Variants in NCALD observed in about 807,000 individuals in gnomAD.
The protein encoded by NCALD is neurocalcin-delta.
Under a neutral mutation model 18.6 loss-of-function variants are expected in NCALD, and 10 were observed. That is an observed-to-expected ratio of 0.54 (90% confidence interval 0.33 to 0.91). The LOEUF (loss-of-function observed/expected upper bound fraction) is 0.91. NCALD is among the 40% of genes least tolerant of loss of function. NCALD has a pLI of 0.03. For synonymous variants in NCALD, 88 were observed against 87.4 expected (o/e 1.01, Z -0.04); for missense variants, 184 against 247.6 (o/e 0.74, Z 1.72).
intron 4 of NCALD, among the ~76,000 whole-genome samples, chr8:101,867,946 T>C (rs754267499): frequency 8.5e-5 from 13 of 152,236 alleles, no homozygotes; most frequent in Non-Finnish European, 1.6e-4. Context: ...GAGCCATATC[T>C]GGTCCCCGCC....
At chr8:101,879,666 C>T (rs971576917) in intron 4 of NCALD, among the ~76,000 whole-genome samples, 1 of 152,146 alleles carries the variant, frequency 6.6e-6, no homozygotes, top group Non-Finnish European at 1.5e-5. Context: ...TTACAGAGAG[C>T]TGATTGGTCT....
At chr8:101,815,743 T>C (rs955934341) in intron 4 of NCALD, among the ~76,000 whole-genome samples, 2 of 152,128 alleles carry the variant, frequency 1.3e-5, no homozygotes, top group African/African-American at 2.4e-5. Context: ...GACAGTTTCT[T>C]ACAAAACTAA....
chr8:102,036,458 G>A (rs1359402394), intron 1 of NCALD, among the ~76,000 whole-genome samples: 1 of 151,912 alleles, frequency 6.6e-6, no homozygotes, highest in Non-Finnish European at 1.5e-5. Flanking sequence ...CATCTAGTTT[G>A]CAATCAAAGA....
chr8:101,969,459 G>C (rs1487310378), intron 2 of NCALD, among the ~76,000 whole-genome samples: 1 of 152,146 alleles, frequency 6.6e-6, no homozygotes, highest in Admixed American at 6.5e-5. Context: ...GCTTTTCAAA[G>C]CCCTTCAACA....
At chr8:101,752,082 A>G (rs906546982) in intron 1 of NCALD, among the ~76,000 whole-genome samples, 1 of 152,180 alleles carries the variant, frequency 6.6e-6, no homozygotes, top group Non-Finnish European at 1.5e-5. Flanking sequence ...CATTAGAAAC[A>G]GGTTTTCTCT....
At chr8:102,049,308 C>G (rs1471263491) in intron 1 of NCALD, among the ~76,000 whole-genome samples, 2 of 152,220 alleles carry the variant, frequency 1.3e-5, no homozygotes, top group Non-Finnish European at 2.9e-5. Flanking sequence ...ATCCAATCCC[C>G]CATGGATATC....
rs186723037 is a variant in NCALD at position 101,732,970 on chromosome 8, T to C, written c.-19-13322A>G. Among the ~76,000 whole-genome samples the C allele has an allele frequency of 8.5e-5, 13 of 152,268 alleles. No individual in the cohort carries two copies. In the East Asian group the frequency reaches 2.5e-3, roughly 29 times the overall value. ...TAGAATTGATGTGAGATATGCTATATCTTGGTTTTTCTCCAAGGATAAGGG... is the reference window on the plus strand; with the variant it reads ...TAGAATTGATGTGAGATATGCTATACCTTGGTTTTTCTCCAAGGATAAGGG... On this transcript the variant is annotated intron_variant, in intron 1 of 3. Coordinates refer to ENST00000220931, the MANE Select transcript of NCALD (RefSeq NM_032041.3).
At chr8:101,797,767 G>A (rs1812693207) in intron 4 of NCALD, among the ~76,000 whole-genome samples, 1 of 151,332 alleles carries the variant, frequency 6.6e-6, no homozygotes, top group Non-Finnish European at 1.5e-5. Flanking sequence ...AGTGAGCCGA[G>A]ATCATGCCAC....
intron 1 of NCALD, among the ~76,000 whole-genome samples, chr8:102,031,613 A>G (rs1055914512): frequency 2.0e-5 from 3 of 152,198 alleles, no homozygotes; most frequent in Admixed American, 6.6e-5. Context: ...TAAAAAGAGT[A>G]AAGAAAAATA....
At chr8:101,897,893 T>C (rs1239862521) in intron 3 of NCALD, among the ~76,000 whole-genome samples, 1 of 152,214 alleles carries the variant, frequency 6.6e-6, no homozygotes, top group Non-Finnish European at 1.5e-5. Flanking sequence ...AATTCCGTGT[T>C]GTAGGAGGGA....
chr8:102,001,433 C>T (rs1007682394), intron 2 of NCALD, among the ~76,000 whole-genome samples: 1 of 152,186 alleles, frequency 6.6e-6, no homozygotes, highest in African/African-American at 2.4e-5. Flanking sequence ...GAGAATGGAA[C>T]CAAGCTGGAA....
In NCALD at chr8:101,824,139, T is replaced by A. The variant is rs143913569; in HGVS notation, c.-20+63002A>T. 4.7e-3 allele frequency among the ~76,000 whole-genome samples: 723 copies of A among 152,332 alleles called. 9 individuals carry two copies. Among genetic ancestry groups the A allele is most frequent in the African/African-American group, 0.015 (641 of 41,568 alleles). ...CCTCCTGGAAGTAGCACAGAACCTA[T>A]GCTCTATTCTAACTTCCATCCTGGC... On this transcript the variant is annotated intron_variant, in intron 4 of 6. Coordinates refer to the NCALD transcript ENST00000311028.
intron 1 of NCALD, among the ~76,000 whole-genome samples, chr8:102,023,269 A>G (rs772338397): frequency 2.0e-5 from 3 of 152,214 alleles, no homozygotes; most frequent in Non-Finnish European, 4.4e-5. Flanking sequence ...CTGAAGCCCA[A>G]CTAGGCAACA....
intron 1 of NCALD, among the ~76,000 whole-genome samples, chr8:101,754,382 G>T (rs1810787132): frequency 6.6e-6 from 1 of 152,092 alleles, no homozygotes; most frequent in African/African-American, 2.4e-5. Flanking sequence ...ATAAACTGGG[G>T]AACTTACAAA....
chr8:101,832,059 C>T (rs1392018056), intron 4 of NCALD, among the ~76,000 whole-genome samples: 3 of 152,304 alleles, frequency 2.0e-5, no homozygotes, highest in African/African-American at 7.2e-5. Context: ...CAGCTTGACT[C>T]TTGGAGAGAA....
intron 3 of NCALD, among the ~76,000 whole-genome samples, chr8:101,900,249 T>C (rs1817370489): frequency 6.6e-6 from 1 of 151,952 alleles, no homozygotes; most frequent in Admixed American, 6.5e-5. Context: ...ATCTTCTTTT[T>C]TCTTTGTCAG....
intron 2 of NCALD, among the ~76,000 whole-genome samples, chr8:101,982,697 TGGGTGTGGTGGC>T (rs1820666430): frequency 6.6e-6 from 1 of 151,994 alleles, no homozygotes; most frequent in African/African-American, 2.4e-5. Context: ...AAAAATTAGC[TGGGTGTGGTGGC>T]ACACGCCTGT....
chr8:101,900,998 T>C (rs1817400176), intron 3 of NCALD, among the ~76,000 whole-genome samples: 1 of 152,084 alleles, frequency 6.6e-6, no homozygotes, highest in South Asian at 2.1e-4. Flanking sequence ...TTTCACATAC[T>C]TTGCAGTTCA....
At chr8:101,843,579 A>ATTTTTTTT (rs1554644288) in intron 4 of NCALD, among the ~76,000 whole-genome samples, 1 of 101,208 alleles carries the variant, frequency 9.9e-6, no homozygotes, top group African/African-American at 5.4e-5. Context: ...ATCTTTAAAA[A>ATTTTTTTT]TTGTTTTTTT....
Sources: allele counts gnomAD v4.1 joint callset (sites outside exome capture counted in the v4.1 genomes callset), GRCh38; gene constraint gnomAD v4.1.1; transcripts MANE v1.5; gene names NCBI Gene and HGNC (gene_info 2026-07-23, HGNC 2026-07-21).